EXOC2: variants seen among roughly 807,000 people sequenced by gnomAD.
The protein encoded by EXOC2 is exocyst complex component 2, also known as SEC5-like 1.
In EXOC2, 70 loss-of-function variants were observed where a neutral mutation model predicts 131.8. That is an observed-to-expected ratio of 0.53 (90% confidence interval 0.44 to 0.65). The LOEUF (loss-of-function observed/expected upper bound fraction) is 0.65. Among genes scored for constraint, EXOC2 ranks in the 30% least tolerant of loss-of-function variants. EXOC2 has a pLI of 0.00. For synonymous variants in EXOC2, 411 were observed against 398.4 expected, an observed-to-expected ratio of 1.03 and a Z score of -0.38; for missense variants, 923 against 1,108.6, an observed-to-expected ratio of 0.83 and a Z score of 2.38.
intron 1 of EXOC2, chr6:656,508 A>C (rs1277300506): frequency 1.9e-6 from 3 of 1,604,898 alleles, no homozygotes; most frequent in Non-Finnish European, 2.5e-6. Context: ...GCTGGGCGGC[A>C]GGCAGTCCCG....
At chr6:598,147 C>G (rs768522452) in intron 9 of EXOC2, 24 bp from the exon 10 acceptor site, 1 of 1,541,302 alleles carries the variant, frequency 6.5e-7, no homozygotes, top group South Asian at 1.2e-5. Flanking sequence ...AAAGAATACA[C>G]AAGATTTACA....
At chr6:687,171 CT>C (rs762736216) in intron 1 of EXOC2, among the ~76,000 whole-genome samples, 786 of 78,318 alleles carry the variant, frequency 0.01, 6 homozygotes, top group African/African-American at 0.037. Context: ...AAATAATATT[CT>C]TTTTTTTTTT....
intron 17 of EXOC2, among the ~76,000 whole-genome samples, chr6:557,434 A>G (rs984329054): frequency 3.3e-5 from 5 of 152,118 alleles, no homozygotes; most frequent in African/African-American, 9.7e-5. Flanking sequence ...CCTGGCCAAC[A>G]TGGTGAAAAC....
At chr6:626,118 A>G (rs920950254) in intron 4 of EXOC2, among the ~76,000 whole-genome samples, 4 of 152,236 alleles carry the variant, frequency 2.6e-5, no homozygotes, top group African/African-American at 9.6e-5. Context: ...CTGCCATCGT[A>G]AAGCAGAAAT....
In EXOC2 at chr6:486,683, C is replaced by T. The variant is rs1017797408; in HGVS notation, c.2763G>A (p.Met921Ile). Residue 921 changes from methionine (M) to isoleucine (I), a missense_variant, in exon 28 of 28, where the codon ATG (methionine) becomes ATA (isoleucine). Physicochemically the swap from Met to Ile is conservative, Grantham distance 10. Coordinates refer to ENST00000230449, the MANE Select transcript of EXOC2 (RefSeq NM_018303.6). The stretch of plus-strand genomic sequence containing the variant: ...ATGTGGCAGATATTTATGTTTTCAT[C>T]ATGGTTGAAGAAGCTGCTTGGAAAC... ...LTCFQAASST[M>I]MKT 2.5e-6 allele frequency: 4 copies of T among 1,613,916 alleles called. No homozygotes were observed. Among genetic ancestry groups the T allele is most frequent in the Admixed American group, 1.7e-5 (1 of 60,004 alleles).
At chr6:518,240 A>C (rs192086583) in intron 23 of EXOC2, among the ~76,000 whole-genome samples, 3 of 152,318 alleles carry the variant, frequency 2.0e-5, no homozygotes, top group Non-Finnish European at 4.4e-5. Flanking sequence ...TTACTTCAAA[A>C]TAACAGATCT....
intron 1 of EXOC2, among the ~76,000 whole-genome samples, chr6:644,308 T>C (rs9328334): frequency 0.71 from 107,642 of 151,922 alleles, 38,778 homozygotes; most frequent in Middle Eastern, 0.88. Context: ...AAACTATTCA[T>C]GATTAAAAAC....
intron 6 of EXOC2, among the ~76,000 whole-genome samples, chr6:617,131 ACT>A (rs1761055071): frequency 6.6e-6 from 1 of 152,196 alleles, no homozygotes; most frequent in Non-Finnish European, 1.5e-5. Flanking sequence ...GATATAGATT[ACT>A]TTTTACTAAA....
intron 23 of EXOC2, among the ~76,000 whole-genome samples, chr6:503,300 G>T (rs1764337724): frequency 6.6e-6 from 1 of 152,084 alleles, no homozygotes; most frequent in African/African-American, 2.4e-5. Flanking sequence ...ACATGGCAGA[G>T]GTGCTCAAGG....
intron 23 of EXOC2, among the ~76,000 whole-genome samples, chr6:502,472 A>G (rs891801721): frequency 2.0e-5 from 3 of 152,180 alleles, no homozygotes; most frequent in African/African-American, 7.2e-5. Flanking sequence ...GCCTGCTGTG[A>G]ACTCAACTCC....
In EXOC2 at chr6:564,929, T is replaced by C. The variant is rs1757897292; in HGVS notation, c.1444A>G (p.Thr482Ala). Residue 482 changes from threonine to alanine, a missense_variant and splice_region_variant, in exon 14 of 28, where the codon ACT becomes GCT. Physicochemically the swap from Thr to Ala is moderately conservative, Grantham distance 58. Transcript: ENST00000230449. The part of the protein sequence containing the change: ...SYVNGSLFSE[T>A]AEKSGQIERS... ...TCAATCTGGCCTGACTTCTCAGCAG[T>C]CTTAAAAATTAAAAAAACAAAATAA... is the stretch of plus-strand genomic sequence containing the variant. The C allele has an allele frequency of 1.9e-6, 3 of 1,591,970 alleles. No individual in the cohort carries two copies. Among genetic ancestry groups the C allele is most frequent in the Non-Finnish European group, 2.6e-6 (3 of 1,172,962 alleles).
intron 1 of EXOC2, among the ~76,000 whole-genome samples, chr6:646,980 C>A (rs372696408): frequency 2.0e-5 from 3 of 152,294 alleles, no homozygotes; most frequent in South Asian, 4.1e-4. Context: ...CAAAACACTG[C>A]AGGGAGAGCA....
chr6:575,313 T>A (rs1045934783), intron 12 of EXOC2, among the ~76,000 whole-genome samples: 1 of 152,248 alleles, frequency 6.6e-6, no homozygotes, highest in Admixed American at 6.5e-5. Context: ...TATATTTTGT[T>A]TTCACACTGA....
intron 17 of EXOC2, among the ~76,000 whole-genome samples, chr6:557,535 T>C (rs567930945): frequency 1.0e-4 from 15 of 150,698 alleles, no homozygotes; most frequent in African/African-American, 3.2e-4. Flanking sequence ...GGAGAATCGC[T>C]TGAACCTAGG....
Position 556,531 on chromosome 6 carries a change from G to C in EXOC2, c.1885C>G (p.Leu629Val), listed in dbSNP as rs1359353008. The change falls in exon 18 of 28, where the codon CTG becomes GTG. Residue 629 changes from leucine to valine, a missense_variant. Leu to Val is a conservative substitution (Grantham distance 32). Transcript: ENST00000230449. ...TCCAGAACCCCCTTCAGTGACTGCA[G>C]AGAACACACGATGCACTGTTCAAAC... Reference protein sequence around the residue: ...CQFEQCIVCSLQSLKGVLECK... With the variant: ...CQFEQCIVCSVQSLKGVLECK... 6.2e-7 allele frequency: 1 copy of C among 1,614,158 alleles called. No individual in the cohort carries two copies. Among genetic ancestry groups the C allele is most frequent in the Non-Finnish European group, 8.5e-7 (1 of 1,180,032 alleles).
At chr6:508,101 T>C (rs528651211) in intron 23 of EXOC2, among the ~76,000 whole-genome samples, 1 of 152,338 alleles carries the variant, frequency 6.6e-6, no homozygotes, top group Non-Finnish European at 1.5e-5. Flanking sequence ...CTTGCTAAAT[T>C]TCATTCTGTA....
At chr6:626,057 T>C (rs1761550647) in intron 4 of EXOC2, among the ~76,000 whole-genome samples, 1 of 152,222 alleles carries the variant, frequency 6.6e-6, no homozygotes, top group South Asian at 2.1e-4. Context: ...TTTAAATAGT[T>C]TGTCAGCATT....
At chr6:620,066 G>A (rs1417161308) in intron 4 of EXOC2, among the ~76,000 whole-genome samples, 2 of 152,176 alleles carry the variant, frequency 1.3e-5, no homozygotes, top group Non-Finnish European at 1.5e-5. Context: ...TCCATGTCTA[G>A]AATGACTTTA....
rs142683035 is a variant in EXOC2, at chr6:557,914, T to C, written c.1852-1350A>G. On this transcript the variant is annotated intron_variant, in intron 17 of 27. Coordinates refer to ENST00000230449, the MANE Select transcript of EXOC2 (RefSeq NM_018303.6). ...TGAGCACAAGTCTTGAGAGATGGGG[T>C]AGGAGGCCAGGCTTCATCCGGAGCA... is the stretch of plus-strand genomic sequence containing the variant. 6.3e-3 allele frequency among the ~76,000 whole-genome samples: 952 copies of C among 151,714 alleles called. 11 individuals are homozygous for C. The highest frequency in any genetic ancestry group is 0.011 in the South Asian group (52 of 4,776).
Sources: allele counts gnomAD v4.1 joint callset (sites outside exome capture counted in the v4.1 genomes callset), GRCh38; gene constraint gnomAD v4.1.1; transcripts MANE v1.5; gene names NCBI Gene and HGNC (gene_info 2026-07-23, HGNC 2026-07-21).